The following PPCDC variants were observed in gnomAD, a reference collection of about 807,000 sequenced individuals.
PPCDC encodes the protein phosphopantothenoylcysteine decarboxylase.
In PPCDC, 20 loss-of-function variants were observed where a neutral mutation model predicts 20.7. The ratio of observed to expected loss-of-function variants is 0.97; its 90% confidence interval spans 0.68 to 1.41. The LOEUF is 1.41. PPCDC is among the 40% of genes most tolerant of loss of function. PPCDC has a pLI of 0.00. For synonymous variants in PPCDC, 88 were observed against 100.3 expected, an observed-to-expected ratio of 0.88 and a Z score of 0.73; for missense variants, 246 against 263.8, an observed-to-expected ratio of 0.93 and a Z score of 0.47.
In PPCDC at chr15:75,043,418, C is replaced by T. The variant is rs764202509; in HGVS notation, c.136-23C>T. On this transcript the variant is annotated intron_variant, in intron 2 of 5. Coordinates refer to ENST00000342932, the MANE Select transcript of PPCDC (RefSeq NM_021823.5). ...TAACAGTTTCTTCCTCCCTCCCCGCCACCCCCTTCTTCTTGGTGACAGCTG... is the reference window on the plus strand; with the variant it reads ...TAACAGTTTCTTCCTCCCTCCCCGCTACCCCCTTCTTCTTGGTGACAGCTG... 3.1e-6 allele frequency: 5 copies of T among 1,594,074 alleles called. No individual in the cohort carries two copies. In the Admixed American group the frequency reaches 8.6e-5, roughly 27 times the overall value.
At chr15:75,031,638 A>G (rs1208543532) in intron 2 of PPCDC, among the ~76,000 whole-genome samples, 1 of 152,178 alleles carries the variant, frequency 6.6e-6, no homozygotes, top group Admixed American at 6.5e-5. Flanking sequence ...CAGAAGGCAG[A>G]GGTTGCAGTG....
At chr15:75,024,677 T>G (rs1160001273) in intron 1 of PPCDC, among the ~76,000 whole-genome samples, 1 of 137,368 alleles carries the variant, frequency 7.3e-6, no homozygotes, top group African/African-American at 2.6e-5. Context: ...TTTTCTTTTC[T>G]TTTTTTTTTT....
intron 1 of PPCDC, among the ~76,000 whole-genome samples, chr15:75,025,621 G>C (rs1452186510): frequency 7.2e-5 from 11 of 152,172 alleles, no homozygotes; most frequent in Non-Finnish European, 1.2e-4. Flanking sequence ...GGATCTTGAG[G>C]CTCAGTAATC....
intron 2 of PPCDC, among the ~76,000 whole-genome samples, chr15:75,036,934 G>A (rs1281352984): frequency 2.0e-5 from 3 of 152,202 alleles, no homozygotes; most frequent in South Asian, 2.1e-4. Context: ...GCCTCCCAAA[G>A]TGCTGGGATG....
intron 4 of PPCDC, among the ~76,000 whole-genome samples, chr15:75,046,829 C>T (rs1214838732): frequency 6.6e-6 from 1 of 152,266 alleles, no homozygotes; most frequent in Non-Finnish European, 1.5e-5. Flanking sequence ...GGCCCGTGTC[C>T]CTCTGTCCTC....
rs1297489195 is a variant in PPCDC, at chr15:75,043,514, A to C, written c.209A>C (p.Tyr70Ser). The change falls in exon 3 of 6, where the codon TAC (tyrosine) becomes TCC (serine). Residue 70 changes from tyrosine to serine, a missense_variant. Physicochemically the swap from Tyr to Ser is moderately radical, Grantham distance 144 (BLOSUM62 -2). This residue lies in a region of PPCDC where 225 missense variants were observed against 222.6 expected (regional missense o/e 1.01). Transcript: ENST00000342932. ...YSPQDIPVTLYSDADEWEIWK... is the reference protein window; with the variant it reads ...YSPQDIPVTLSSDADEWEIWK... The stretch of plus-strand genomic sequence containing the variant: ...CCCCAGGACATTCCTGTCACCCTCT[A>C]CAGCGACGCTGATGAATGGGAGGTC... 6.2e-7 allele frequency: 1 copy of C among 1,611,126 alleles called. No individual in the cohort carries two copies. Among genetic ancestry groups the C allele is most frequent in the African/African-American group, 1.3e-5 (1 of 74,824 alleles).
At chr15:75,026,867 G>A (rs1056003085) in intron 1 of PPCDC, among the ~76,000 whole-genome samples, 1 of 152,132 alleles carries the variant, frequency 6.6e-6, no homozygotes, top group Non-Finnish European at 1.5e-5. Flanking sequence ...TTCAGATGAA[G>A]GGACAGGTCC....
intron 4 of PPCDC, 103 bp from the exon 5 acceptor site, chr15:75,048,450 A>G: frequency 6.8e-7 from 1 of 1,466,332 alleles, no homozygotes; most frequent in Non-Finnish European, 9.2e-7. Flanking sequence ...GTGCCCAGTC[A>G]TCTCAAGCCT....
At chr15:75,040,467 A>G (rs958438316) in intron 2 of PPCDC, among the ~76,000 whole-genome samples, 1 of 152,126 alleles carries the variant, frequency 6.6e-6, no homozygotes, top group Non-Finnish European at 1.5e-5. Flanking sequence ...TTTTTCTTCT[A>G]TTTAACCTTT....
Position 75,023,637 on chromosome 15 carries a change from G to GA in PPCDC, c.-73+13dup, listed in dbSNP as rs1480357684. 2 of 152,436 alleles carry GA rather than the reference G, an allele frequency of 1.3e-5. No homozygotes were observed. The highest frequency in any genetic ancestry group is 4.8e-5 in the African/African-American group (2 of 41,474). 9.4% of individuals were successfully genotyped at this position (152,436 alleles called of 1,614,324 possible). A position where few individuals can be genotyped will look rare whatever the true frequency, so the allele number is the denominator to read the frequency against. On this transcript the variant is annotated intron_variant, in intron 1 of 5. Coordinates refer to ENST00000342932, the MANE Select transcript of PPCDC (RefSeq NM_021823.5). ...ACGCGCCTGGCGCGGGTGAGCAGTGGAAGGGGGCTGGGAAGCTGGGTTCTC... is the reference window on the plus strand; with the variant it reads ...ACGCGCCTGGCGCGGGTGAGCAGTGGAAAGGGGGCTGGGAAGCTGGGTTCTC...
intron 1 of PPCDC, among the ~76,000 whole-genome samples, chr15:75,024,678 T>G (rs1331284672): frequency 6.8e-6 from 1 of 146,194 alleles, no homozygotes; most frequent in African/African-American, 2.5e-5. Context: ...TTTCTTTTCT[T>G]TTTTTTTTTT....
chr15:75,042,058 A>T (rs773222609), intron 2 of PPCDC, among the ~76,000 whole-genome samples: 1 of 152,244 alleles, frequency 6.6e-6, no homozygotes, highest in East Asian at 1.9e-4. Context: ...TGAATTTTCT[A>T]TGCGAAATCT....
chr15:75,036,697 C>T (rs1039767064), intron 2 of PPCDC, among the ~76,000 whole-genome samples: 3 of 151,956 alleles, frequency 2.0e-5, no homozygotes, highest in South Asian at 2.1e-4. Flanking sequence ...CAGTGGGGGC[C>T]TAAAGGCTCT....
intron 2 of PPCDC, chr15:75,043,223 G>C (rs1194635346): frequency 2.0e-6 from 1 of 491,154 alleles, no homozygotes; most frequent in East Asian, 3.6e-5. Flanking sequence ...CCCTCAGATA[G>C]GGAAGTGAAA....
intron 2 of PPCDC, among the ~76,000 whole-genome samples, chr15:75,028,723 T>G (rs531882321): frequency 6.6e-6 from 1 of 152,184 alleles, no homozygotes; most frequent in Non-Finnish European, 1.5e-5. Context: ...TGGGCTCCCA[T>G]ACATTAACCC....
At position 75,026,799 on chromosome 15, in the gene PPCDC, G is replaced by A. The variant is rs537934085; in HGVS notation, c.-72-1448G>A. Among the ~76,000 whole-genome samples the A allele has an allele frequency of 3.3e-5, 5 of 152,226 alleles. No individual in the cohort carries two copies. The East Asian group carries it at 9.7e-4, about 29-fold the overall frequency. On this transcript the variant is annotated intron_variant, in intron 1 of 5. Coordinates refer to ENST00000342932, the MANE Select transcript of PPCDC (RefSeq NM_021823.5). ...CCCTTACTGCTCTCTTTCATGTATT[G>A]ACTCAAAGTTTCTGCTGGAAGGAGC...
At chr15:75,030,981 G>A (rs1045617904) in intron 2 of PPCDC, among the ~76,000 whole-genome samples, 1 of 152,188 alleles carries the variant, frequency 6.6e-6, no homozygotes, top group African/African-American at 2.4e-5. Context: ...GTAGTCACTA[G>A]CAGAGATGAC....
intron 2 of PPCDC, among the ~76,000 whole-genome samples, chr15:75,042,967 A>G (rs974904407): frequency 1.3e-5 from 2 of 152,264 alleles, no homozygotes; most frequent in Admixed American, 6.5e-5. Context: ...GCATGCACAG[A>G]GGACATGCCG....
chr15:75,026,181 T>G (rs912334625), intron 1 of PPCDC, among the ~76,000 whole-genome samples: 1 of 152,144 alleles, frequency 6.6e-6, no homozygotes, highest in Non-Finnish European at 1.5e-5. Flanking sequence ...GCTTCTGGTT[T>G]TGCAGGAATC....
Sources: gnomAD v4.1 joint callset for allele counts (sites outside exome capture counted in the v4.1 genomes callset) on GRCh38, gnomAD v4.1.1 for gene constraint, gnomAD v4.1.1 regional missense constraint, MANE v1.5 for transcripts, NCBI Gene and HGNC (gene_info 2026-07-23, HGNC 2026-07-21) for gene names.